The following VWC2 variants were observed in gnomAD, a reference collection of about 807,000 sequenced individuals.
VWC2 encodes the protein brorin.
VWC2 carries 14 observed loss-of-function variants against 29.8 expected under a neutral mutation model. The observed-to-expected ratio is 0.47, with a 90% CI of 0.31 to 0.74. The LOEUF (loss-of-function observed/expected upper bound fraction) is 0.74. VWC2 is among the 30% of genes least tolerant of loss of function. The probability of loss-of-function intolerance (pLI) is 0.05; values close to 1 mark genes in which losing one functional copy is unlikely to be tolerated. For synonymous variants in VWC2, 213 were observed against 199.0 expected (o/e 1.07, Z -0.59); for missense variants, 457 against 459.8 (o/e 0.99, Z 0.05).
At chr7:49,872,324 G>A (rs1791192207) in intron 3 of VWC2, among the ~76,000 whole-genome samples, 1 of 152,060 alleles carries the variant, frequency 6.6e-6, no homozygotes, top group Admixed American at 6.5e-5. Context: ...GATTTAATGT[G>A]TCCACCAAGT....
At chr7:49,876,225 A>C (rs1791409557) in intron 3 of VWC2, among the ~76,000 whole-genome samples, 3 of 152,190 alleles carry the variant, frequency 2.0e-5, no homozygotes, top group Admixed American at 1.3e-4. Context: ...ATAGTAAGAT[A>C]CCGAAATGTT....
chr7:49,864,339 C>A (rs1186174502), intron 3 of VWC2, among the ~76,000 whole-genome samples: 3 of 152,166 alleles, frequency 2.0e-5, no homozygotes, highest in Non-Finnish European at 4.4e-5. Context: ...CTTCCTTCAC[C>A]CCTTAACTGG....
chr7:49,797,923 G>A (rs1014517142), intron 2 of VWC2, among the ~76,000 whole-genome samples: 1 of 152,154 alleles, frequency 6.6e-6, no homozygotes, highest in African/African-American at 2.4e-5. Flanking sequence ...CTGCCATAAG[G>A]TATTCTATGT....
At position 49,921,751 on chromosome 7, in the gene VWC2, T is replaced by C. The variant is rs1794029017; in HGVS notation, c.*9566T>C. On this transcript the variant is annotated 3_prime_UTR_variant, in exon 4 of 4. Transcript: ENST00000340652. ...TTTAGTGCTCATTTGAAAAATATTT[T>C]ATCCTCATGTTTACATTTAACACAT... is the stretch of plus-strand genomic sequence containing the variant. 6.6e-6 allele frequency: 1 copy of C among 151,798 alleles called. No individual in the cohort carries two copies. Among genetic ancestry groups the C allele is most frequent in the African/African-American group, 2.4e-5 (1 of 41,038 alleles). 9.4% of individuals were successfully genotyped at this position (151,798 alleles called of 1,614,324 possible).
chr7:49,812,432 C>T (rs1049730093), intron 3 of VWC2, among the ~76,000 whole-genome samples: 2 of 152,172 alleles, frequency 1.3e-5, no homozygotes, highest in Middle Eastern at 3.2e-3. Flanking sequence ...TATCTTTCCC[C>T]AGAGACTGAC....
intron 3 of VWC2, among the ~76,000 whole-genome samples, chr7:49,853,744 T>C (rs1307685449): frequency 2.0e-5 from 3 of 152,214 alleles, no homozygotes; most frequent in African/African-American, 7.2e-5. Context: ...CTTTAAGTTC[T>C]AGGGTACATG....
At chr7:49,831,945 A>T (rs907549425) in intron 3 of VWC2, among the ~76,000 whole-genome samples, 3 of 152,184 alleles carry the variant, frequency 2.0e-5, no homozygotes, top group African/African-American at 4.8e-5. Flanking sequence ...ATTGAGATGA[A>T]AAAGTAGCAT....
At chr7:49,874,789 C>T (rs1451007432) in intron 3 of VWC2, among the ~76,000 whole-genome samples, 4 of 152,158 alleles carry the variant, frequency 2.6e-5, no homozygotes, top group Non-Finnish European at 1.5e-5. Flanking sequence ...AGGAGCCTCA[C>T]GTCTCACTTG....
chr7:49,821,047 T>C (rs1463337411), intron 3 of VWC2, among the ~76,000 whole-genome samples: 1 of 152,190 alleles, frequency 6.6e-6, no homozygotes, highest in Non-Finnish European at 1.5e-5. Flanking sequence ...TGTTTTCATG[T>C]TAGCCAATAT....
intron 3 of VWC2, among the ~76,000 whole-genome samples, chr7:49,839,706 T>C (rs953380715): frequency 6.6e-6 from 1 of 152,044 alleles, no homozygotes; most frequent in African/African-American, 2.4e-5. Flanking sequence ...TCCATGCAAG[T>C]GGGAATTTGT....
chr7:49,815,326 C>T (rs954300485), intron 3 of VWC2, among the ~76,000 whole-genome samples: 11 of 152,046 alleles, frequency 7.2e-5, no homozygotes, highest in African/African-American at 2.7e-4. Flanking sequence ...ATGTATATGG[C>T]CTTTTTTGCC....
intron 3 of VWC2, among the ~76,000 whole-genome samples, chr7:49,906,778 C>A (rs1793120315): frequency 3.9e-5 from 6 of 152,198 alleles, no homozygotes; most frequent in Admixed American, 3.9e-4. Context: ...TGTGAAACAG[C>A]TTGTAAATTG....
At chr7:49,794,946 G>T (rs948518528) in intron 2 of VWC2, among the ~76,000 whole-genome samples, 1 of 152,150 alleles carries the variant, frequency 6.6e-6, no homozygotes, top group South Asian at 2.1e-4. Context: ...CAATATGCAC[G>T]TAGCTCAGTT....
At position 49,913,536 on chromosome 7, in the gene VWC2, A is replaced by G. The variant is rs1278351859; in HGVS notation, c.*1351A>G. On this transcript the variant is annotated 3_prime_UTR_variant, in exon 4 of 4. Coordinates refer to ENST00000340652, the MANE Select transcript of VWC2 (RefSeq NM_198570.5). ...TATATAATCATTATTTGAAGCCTCT[A>G]AAGGTATTTTTCATATTTTTGTTTA... 6.6e-6 allele frequency: 1 copy of G among 152,184 alleles called. No homozygotes were observed. Among genetic ancestry groups the G allele is most frequent in the Admixed American group, 6.6e-5 (1 of 15,266 alleles). The allele number at this position is 152,184 out of a possible 1,614,324, so 9.4% of individuals were successfully genotyped here. A position where few individuals can be genotyped will look rare whatever the true frequency, so the allele number is the denominator to read the frequency against.
At chr7:49,862,550 G>C (rs1191910443) in intron 3 of VWC2, among the ~76,000 whole-genome samples, 1 of 152,086 alleles carries the variant, frequency 6.6e-6, no homozygotes, top group Non-Finnish European at 1.5e-5. Flanking sequence ...CCTATTTTAG[G>C]GGGAAAGCTT....
At chr7:49,889,755 C>A (rs1397770302) in intron 3 of VWC2, among the ~76,000 whole-genome samples, 2 of 152,120 alleles carry the variant, frequency 1.3e-5, no homozygotes, top group Non-Finnish European at 2.9e-5. Context: ...AAACAACAAA[C>A]CTGATTAACA....
chr7:49,776,006 G>C lies in VWC2; in HGVS notation c.571G>C (p.Glu191Gln), dbSNP rs1455795673. The change falls in exon 2 of 4, where the codon GAG becomes CAG. Residue 191 changes from glutamate to glutamine, a missense_variant. By Grantham distance (29) the Glu-to-Gln change is conservative (BLOSUM62 2). Coordinates refer to ENST00000340652, the MANE Select transcript of VWC2 (RefSeq NM_198570.5). ...TEEGPLCAQPECPRLHPRCIH... is the reference protein window; with the variant it reads ...TEEGPLCAQPQCPRLHPRCIH... The stretch of plus-strand genomic sequence containing the variant: ...GGAGGGGCCGCTGTGCGCGCAGCCC[G>C]AGTGCCCGAGGCTGCACCCGCGCTG... The C allele has an allele frequency of 6.5e-7, 1 of 1,544,658 alleles. No homozygotes were observed. Among genetic ancestry groups the C allele is most frequent in the Non-Finnish European group, 8.7e-7 (1 of 1,149,410 alleles).
chr7:49,873,600 TG>T (rs1791271826), intron 3 of VWC2, among the ~76,000 whole-genome samples: 1 of 152,160 alleles, frequency 6.6e-6, no homozygotes, highest in Non-Finnish European at 1.5e-5. Flanking sequence ...AGGACTTCTT[TG>T]GAAAAAAGTT....
At chr7:49,800,331 G>C (rs1371174053) in intron 2 of VWC2, among the ~76,000 whole-genome samples, 1 of 152,150 alleles carries the variant, frequency 6.6e-6, no homozygotes, top group Non-Finnish European at 1.5e-5. Context: ...TTTATCTCTG[G>C]TCCTGCTGTA....
Sources: gnomAD v4.1 joint callset for allele counts (sites outside exome capture counted in the v4.1 genomes callset) on GRCh38, gnomAD v4.1.1 for gene constraint, MANE v1.5 for transcripts, NCBI Gene and HGNC (gene_info 2026-07-23, HGNC 2026-07-21) for gene names.